MYO3B: variants seen among roughly 807,000 people sequenced by gnomAD.
MYO3B encodes the protein myosin-IIIb.
MYO3B carries 156 observed loss-of-function variants against 174.6 expected under a neutral mutation model. That is an observed-to-expected ratio of 0.89 (90% CI 0.78 to 1.02). MYO3B has a LOEUF of 1.02. MYO3B is among the 50% of genes least tolerant of loss of function. The pLI, the probability that MYO3B is intolerant of heterozygous loss-of-function variation, is 0.00. For synonymous variants in MYO3B, 563 were observed against 569.1 expected (o/e 0.99, Z 0.15); for missense variants, 1,632 against 1,639.4 (o/e 1.00, Z 0.08).
intron 32 of MYO3B, among the ~76,000 whole-genome samples, chr2:170,556,272 A>G (rs571580046): frequency 1.5e-4 from 23 of 152,148 alleles, no homozygotes; most frequent in African/African-American, 5.3e-4. Flanking sequence ...AAGTTTGGAC[A>G]ATTATGAGTG....
At chr2:170,398,845 G>A (rs538658983) in intron 16 of MYO3B, among the ~76,000 whole-genome samples, 1 of 152,270 alleles carries the variant, frequency 6.6e-6, no homozygotes, top group East Asian at 1.9e-4. Flanking sequence ...TCAGCCCTCT[G>A]TATATGTGGG....
intron 32 of MYO3B, chr2:170,649,822 CA>C (rs768188491): frequency 1.8e-3 from 129 of 72,922 alleles, no homozygotes; most frequent in Middle Eastern, 0.015. Flanking sequence ...GAGACTATCT[CA>C]AAAAAAAAAA....
chr2:170,505,871 C>T (rs1351353166), intron 28 of MYO3B, among the ~76,000 whole-genome samples: 9 of 152,326 alleles, frequency 5.9e-5, no homozygotes, highest in Non-Finnish European at 1.0e-4. Context: ...TCGGAAGAGA[C>T]GCTAGTTTAC....
chr2:170,594,055 T>C (rs1005390317), intron 32 of MYO3B, among the ~76,000 whole-genome samples: 6 of 152,168 alleles, frequency 3.9e-5, no homozygotes, highest in African/African-American at 1.4e-4. Context: ...TGTTTATGGT[T>C]CTGATGGGGC....
intron 1 of MYO3B, among the ~76,000 whole-genome samples, chr2:170,183,770 A>G (rs1272275932): frequency 2.0e-5 from 3 of 152,250 alleles, no homozygotes; most frequent in Non-Finnish European, 2.9e-5. Flanking sequence ...TTTATTAGCA[A>G]TGGTTGTAGA....
At chr2:170,594,832 C>G (rs1254377504) in intron 32 of MYO3B, among the ~76,000 whole-genome samples, 1 of 96,422 alleles carries the variant, frequency 1.0e-5, no homozygotes, top group Non-Finnish European at 1.9e-5. Context: ...CGCGCGCACA[C>G]ACACACACAC....
chr2:170,388,356 C>T (rs567018691), intron 14 of MYO3B, among the ~76,000 whole-genome samples: 3 of 151,992 alleles, frequency 2.0e-5, no homozygotes, highest in East Asian at 3.9e-4. Context: ...TAAGGTGAAA[C>T]GAGAGAAGGG....
intron 32 of MYO3B, among the ~76,000 whole-genome samples, chr2:170,550,076 G>T (rs1012629592): frequency 6.6e-6 from 1 of 152,164 alleles, no homozygotes; most frequent in Non-Finnish European, 1.5e-5. Context: ...TCACACACAA[G>T]ACTGTATTCA....
intron 32 of MYO3B, among the ~76,000 whole-genome samples, chr2:170,603,987 G>T (rs1034583999): frequency 6.6e-6 from 1 of 152,154 alleles, no homozygotes; most frequent in Non-Finnish European, 1.5e-5. Context: ...ATTGCCTACA[G>T]TATTTTGTAC....
chr2:170,488,912 G>A (rs906450319), intron 25 of MYO3B, among the ~76,000 whole-genome samples: 4 of 152,158 alleles, frequency 2.6e-5, no homozygotes, highest in African/African-American at 7.2e-5. Context: ...TCCCTCACAC[G>A]TATGTCAAGG....
intron 14 of MYO3B, among the ~76,000 whole-genome samples, chr2:170,388,174 T>C (rs2094389410): frequency 6.6e-6 from 1 of 152,186 alleles, no homozygotes; most frequent in African/African-American, 2.4e-5. Flanking sequence ...TTGCCAGTGC[T>C]GTGCTTTGTG....
chr2:170,404,499 T>C, intron 20 of MYO3B, 99 bp downstream of exon 20: 1 of 1,256,494 alleles, frequency 8.0e-7, no homozygotes, highest in Non-Finnish European at 1.1e-6. Context: ...ACATATTTTG[T>C]TTATATGGTG....
intron 29 of MYO3B, 114 bp from the exon 30 acceptor site, chr2:170,519,324 C>A: frequency 4.4e-6 from 3 of 679,998 alleles, no homozygotes; most frequent in South Asian, 2.1e-5. Context: ...TATAGAAAGT[C>A]ACGGAGTGGT....
intron 7 of MYO3B, among the ~76,000 whole-genome samples, chr2:170,328,727 C>G (rs1189564517): frequency 6.6e-6 from 1 of 151,944 alleles, no homozygotes; most frequent in Non-Finnish European, 1.5e-5. Flanking sequence ...GTTACCCACT[C>G]TGTGGAATGC....
chr2:170,591,607 T>C (rs13406711), intron 32 of MYO3B, among the ~76,000 whole-genome samples: 10,784 of 151,730 alleles, frequency 0.071, 1,276 homozygotes, highest in African/African-American at 0.24. Context: ...TTGTGGAAAA[T>C]TCTCCCACAG....
At chr2:170,388,282 T>G (rs2094390178) in intron 14 of MYO3B, among the ~76,000 whole-genome samples, 1 of 152,002 alleles carries the variant, frequency 6.6e-6, no homozygotes, top group African/African-American at 2.4e-5. Context: ...ATCACAGGCA[T>G]TAAACAAGTA....
intron 8 of MYO3B, among the ~76,000 whole-genome samples, chr2:170,358,106 C>G (rs147164807): frequency 0.014 from 2,190 of 151,272 alleles, 48 homozygotes; most frequent in African/African-American, 0.049. Context: ...GAGCCGAGAT[C>G]GCACCATTGC....
rs2092457859 is a variant in MYO3B, at chr2:170,185,974, G to A, written c.2+7685G>A. Among the ~76,000 whole-genome samples, 4 of 152,082 alleles carry A rather than the reference G, an allele frequency of 2.6e-5. No individual in the cohort carries two copies. The South Asian group carries it at 8.3e-4, about 32-fold the overall frequency. On this transcript the variant is annotated intron_variant, in intron 1 of 34. Transcript: ENST00000408978. The stretch of plus-strand genomic sequence containing the variant: ...GAATATAGAAATGCTACCGATTTTT[G>A]TATGTTGATTTTGTATCCTGAAACT...
At chr2:170,432,307 T>C (rs532387943) in intron 22 of MYO3B, among the ~76,000 whole-genome samples, 1 of 152,288 alleles carries the variant, frequency 6.6e-6, no homozygotes, top group South Asian at 2.1e-4. Flanking sequence ...AAGACAGTGA[T>C]ATTGATTATC....
Sources: gnomAD v4.1 joint callset for allele counts (sites outside exome capture counted in the v4.1 genomes callset) on GRCh38, gnomAD v4.1.1 for gene constraint, MANE v1.5 for transcripts, NCBI Gene and HGNC (gene_info 2026-07-23, HGNC 2026-07-21) for gene names.